The following ZNF618 variants were observed in gnomAD, a reference collection of about 807,000 sequenced individuals.
ZNF618 encodes zinc finger protein 618.
A neutral mutation model predicts 103.0 loss-of-function variants in ZNF618; 34 were observed. The observed-to-expected ratio is 0.33, with a 90% CI of 0.25 to 0.44. The LOEUF (loss-of-function observed/expected upper bound fraction) is 0.44, where lower values mean the gene tolerates loss of function less well. ZNF618 is among the 20% of genes least tolerant of loss of function. The probability of loss-of-function intolerance (pLI) is 1.00; values close to 1 mark genes in which losing one functional copy is unlikely to be tolerated. For missense variants in ZNF618, 1,059 were observed against 1,295.4 expected, an observed-to-expected ratio of 0.82 and a Z score of 2.80; for synonymous variants, 551 against 542.2, an observed-to-expected ratio of 1.02 and a Z score of -0.23.
intron 1 of ZNF618, among the ~76,000 whole-genome samples, chr9:113,941,040 A>G (rs1234183665): frequency 1.3e-5 from 2 of 150,170 alleles, no homozygotes; most frequent in Admixed American, 6.6e-5. Flanking sequence ...TTCTTTCTTT[A>G]TCTTCTTTTT....
chr9:114,028,600 C>T, intron 10 of ZNF618, 133 bp from the exon 11 acceptor site: 2 of 1,289,970 alleles, frequency 1.6e-6, no homozygotes, highest in Non-Finnish European at 2.1e-6. Context: ...AGTGAGAATC[C>T]TTGTTCTCTG....
intron 10 of ZNF618, among the ~76,000 whole-genome samples, chr9:114,017,043 G>C (rs975888456): frequency 1.3e-5 from 2 of 152,130 alleles, no homozygotes; most frequent in Non-Finnish European, 2.9e-5. Flanking sequence ...CACATGATTG[G>C]GGTGAGGAGG....
chr9:113,974,950 C>A (rs946881351), intron 2 of ZNF618, among the ~76,000 whole-genome samples: 4 of 152,142 alleles, frequency 2.6e-5, no homozygotes, highest in African/African-American at 9.7e-5. Flanking sequence ...ATATTAGTAC[C>A]TCCTTCATAG....
Position 113,902,020 on chromosome 9 carries a change from CTCTT to C in ZNF618, c.33+25611_33+25614del, listed in dbSNP as rs1259430546. ...GGTCCAATGCAGTGCAATACAGACTCTCTTTCTGACTTTCTGTGATTCTGAGAAG... is the reference window on the plus strand; with the variant it reads ...GGTCCAATGCAGTGCAATACAGACTCTCTGACTTTCTGTGATTCTGAGAAG... On this transcript the variant is annotated intron_variant, in intron 1 of 14. Transcript: ENST00000374126. 3.9e-5 allele frequency among the ~76,000 whole-genome samples: 6 copies of C among 152,086 alleles called. No homozygotes were observed. The East Asian group carries it at 7.7e-4, about 20-fold the overall frequency.
intron 1 of ZNF618, among the ~76,000 whole-genome samples, chr9:113,944,984 C>T (rs1834883108): frequency 6.6e-6 from 1 of 152,078 alleles, no homozygotes; most frequent in South Asian, 2.1e-4. Flanking sequence ...AGTGTGCAGG[C>T]CACCTGTGAA....
intron 3 of ZNF618, among the ~76,000 whole-genome samples, chr9:113,989,601 T>C (rs920867930): frequency 1.3e-5 from 2 of 152,216 alleles, no homozygotes; most frequent in Non-Finnish European, 2.9e-5. Flanking sequence ...TTCTTAGAAG[T>C]GCTGCTGCTG....
chr9:113,886,184 C>G (rs892197941), intron 1 of ZNF618, among the ~76,000 whole-genome samples: 4 of 152,126 alleles, frequency 2.6e-5, no homozygotes, highest in African/African-American at 9.7e-5. Flanking sequence ...CACTCAAAGT[C>G]AAAAGTGCTT....
intron 10 of ZNF618, among the ~76,000 whole-genome samples, chr9:114,026,393 G>A (rs1357503611): frequency 3.3e-5 from 5 of 152,176 alleles, no homozygotes; most frequent in Non-Finnish European, 5.9e-5. Context: ...GAAAGAGGGG[G>A]CTGTGTGCCT....
intron 2 of ZNF618, among the ~76,000 whole-genome samples, chr9:113,974,421 C>T (rs905188221): frequency 1.3e-5 from 2 of 152,182 alleles, no homozygotes; most frequent in African/African-American, 2.4e-5. Context: ...CATTCCTCTG[C>T]GTGAGATCAG....
intron 12 of ZNF618, among the ~76,000 whole-genome samples, chr9:114,034,225 A>G (rs150816556): frequency 5.8e-4 from 89 of 152,326 alleles, no homozygotes; most frequent in African/African-American, 2.1e-3. Context: ...GAGGTTTTGA[A>G]CAACGTAATC....
At chr9:114,044,921 A>C (rs1036344222) in intron 13 of ZNF618, among the ~76,000 whole-genome samples, 3 of 151,956 alleles carry the variant, frequency 2.0e-5, no homozygotes, top group African/African-American at 7.3e-5. Flanking sequence ...ATTTGTGTAC[A>C]TTGATTTTGT....
intron 3 of ZNF618, among the ~76,000 whole-genome samples, chr9:113,996,192 G>C (rs751880621): frequency 3.9e-5 from 6 of 152,086 alleles, no homozygotes; most frequent in Non-Finnish European, 7.3e-5. Flanking sequence ...CCTGTCATTC[G>C]GCAAGCCCTG....
At chr9:113,931,670 T>A (rs1055879226) in intron 1 of ZNF618, among the ~76,000 whole-genome samples, 2 of 152,192 alleles carry the variant, frequency 1.3e-5, no homozygotes, top group African/African-American at 4.8e-5. Flanking sequence ...CAAATCGAGA[T>A]GTGCTGTAAG....
rs111818545 is a variant in ZNF618 at position 114,020,658 on chromosome 9, A to G, written c.844+3874A>G. Among the ~76,000 whole-genome samples the G allele has an allele frequency of 4.6e-5, 7 of 152,128 alleles. No individual in the cohort carries two copies. The South Asian group carries it at 1.4e-3, about 31-fold the overall frequency. ...TTTGTGTATTGAATTTGTGTATTGC[A>G]AATTAGCTAAATTTACTTATTAGTT... On this transcript the variant is annotated intron_variant, in intron 10 of 14. Transcript: ENST00000374126.
chr9:114,018,759 CTCTT>C (rs1189601882), intron 10 of ZNF618, among the ~76,000 whole-genome samples: 2 of 152,354 alleles, frequency 1.3e-5, no homozygotes, highest in South Asian at 2.1e-4. Flanking sequence ...ATTATGAACT[CTCTT>C]TCTTTCTTCC....
At chr9:113,930,179 T>C (rs1833447011) in intron 1 of ZNF618, among the ~76,000 whole-genome samples, 1 of 152,202 alleles carries the variant, frequency 6.6e-6, no homozygotes, top group Admixed American at 6.5e-5. Context: ...GCCTCGCTTC[T>C]GGAATTTCCC....
intron 1 of ZNF618, among the ~76,000 whole-genome samples, chr9:113,904,938 A>G (rs1830855257): frequency 6.6e-6 from 1 of 152,176 alleles, no homozygotes; most frequent in Non-Finnish European, 1.5e-5. Context: ...TCTGATTAGC[A>G]AGCTTAATTG....
intron 1 of ZNF618, among the ~76,000 whole-genome samples, chr9:113,934,781 G>A (rs1588085570): frequency 6.6e-6 from 1 of 152,186 alleles, no homozygotes; most frequent in Admixed American, 6.5e-5. Flanking sequence ...TGTGTGACTC[G>A]AGGCAGACGT....
Position 113,971,032 on chromosome 9 carries a change from G to A in ZNF618, c.77+1872G>A, listed in dbSNP as rs569298358. ...AGAGGAGCAGGTAGAGCTCAGAGAC[G>A]GTGCACTTAGGCCTGTGGTCATTGG... On this transcript the variant is annotated intron_variant, in intron 2 of 14. Transcript: ENST00000374126. 1.9e-4 allele frequency among the ~76,000 whole-genome samples: 28 copies of A among 149,658 alleles called. No homozygotes were observed. In the South Asian group the frequency reaches 4.4e-3, roughly 24 times the overall value.
Sources: allele counts gnomAD v4.1 joint callset (sites outside exome capture counted in the v4.1 genomes callset), GRCh38; gene constraint gnomAD v4.1.1; transcripts MANE v1.5; gene names NCBI Gene and HGNC (gene_info 2026-07-23, HGNC 2026-07-21).